The following RELT variants were observed in gnomAD, a reference collection of about 807,000 sequenced individuals.
RELT encodes RELT TNF receptor, also known as tumor necrosis factor receptor superfamily member 19L.
In RELT, 37 loss-of-function variants were observed where a neutral mutation model predicts 51.1. That is an observed-to-expected ratio of 0.72 (90% CI 0.56 to 0.95). The LOEUF (loss-of-function observed/expected upper bound fraction) is 0.95, where lower values mean the gene tolerates loss of function less well. Ranked by LOEUF, RELT falls within the 40% of genes least tolerant of loss-of-function variation. The probability of loss-of-function intolerance (pLI) is 0.00; values close to 1 mark genes in which losing one functional copy is unlikely to be tolerated. For missense variants in RELT, 535 were observed against 572.6 expected, an observed-to-expected ratio of 0.93 and a Z score of 0.67; for synonymous variants, 241 against 235.7, an observed-to-expected ratio of 1.02 and a Z score of -0.21.
Position 73,395,425 on chromosome 11 carries a change from C to A in RELT, c.1246-19C>A. 1 of 968,812 alleles carries A rather than the reference C, an allele frequency of 1.0e-6. No homozygotes were observed. The highest frequency in any genetic ancestry group is 1.3e-5 in the South Asian group (1 of 78,364). 60.0% of individuals were successfully genotyped at this position (968,812 alleles called of 1,614,324 possible). The stretch of plus-strand genomic sequence containing the variant: ...GCCAGCCCCTGACTCAGCTCTGACC[C>A]CTCACCCCTGCCCACCAGGAGAACC... On this transcript the variant is annotated intron_variant, in intron 10 of 10. Coordinates refer to ENST00000064780, the MANE Select transcript of RELT (RefSeq NM_152222.2).
intron 1 of RELT, among the ~76,000 whole-genome samples, chr11:73,382,740 T>C (rs1866068720): frequency 6.6e-6 from 1 of 152,148 alleles, no homozygotes; most frequent in Admixed American, 6.5e-5. Flanking sequence ...AGGGGTTCAG[T>C]GAGACCCAGC....
At chr11:73,386,455 G>A (rs1237683752) in intron 1 of RELT, among the ~76,000 whole-genome samples, 1 of 152,192 alleles carries the variant, frequency 6.6e-6, no homozygotes, top group Non-Finnish European at 1.5e-5. Flanking sequence ...GGTGTGAGGG[G>A]TGCTGAGCAG....
Position 73,394,914 on chromosome 11 carries a change from G to T in RELT, c.1047-173G>T. ...GATCAGGACTTTCCGGTTATGTTGT[G>T]TCTCACATGGAGCCCTTGCATCCCT... On this transcript the variant is annotated intron_variant, in intron 9 of 10. Coordinates refer to ENST00000064780, the MANE Select transcript of RELT (RefSeq NM_152222.2). This position sits in a 1 kb window ranked among gnomAD's most constrained non-coding sequence, Gnocchi z 4.9. The T allele has an allele frequency of 1.1e-6, 1 of 897,224 alleles. No homozygotes were observed. Among genetic ancestry groups the T allele is most frequent in the Non-Finnish European group, 1.7e-6 (1 of 596,528 alleles). 55.6% of individuals were successfully genotyped at this position (897,224 alleles called of 1,614,324 possible).
intron 1 of RELT, among the ~76,000 whole-genome samples, chr11:73,383,058 C>A (rs1335859193): frequency 1.3e-5 from 2 of 152,226 alleles, no homozygotes; most frequent in East Asian, 3.9e-4. Context: ...AGGTGCAGAA[C>A]CATGCCCAAC....
In RELT at chr11:73,395,569, C is replaced by G. The variant is rs987836002; in HGVS notation, c.*78C>G. ...CTTCCTGGAGGAGGTGGAGCTGCAG[C>G]TGGGACTGTGAGGACCGAGAAGCAA... On this transcript the variant is annotated 3_prime_UTR_variant, in exon 11 of 11. Coordinates refer to ENST00000064780, the MANE Select transcript of RELT (RefSeq NM_152222.2). 2.6e-6 allele frequency: 2 copies of G among 777,474 alleles called. No homozygotes were observed. Among genetic ancestry groups the G allele is most frequent in the African/African-American group, 3.4e-5 (2 of 59,090 alleles). 48.2% of individuals were successfully genotyped at this position (777,474 alleles called of 1,614,324 possible).
chr11:73,380,883 T>C (rs1233048220), intron 1 of RELT, among the ~76,000 whole-genome samples: 1 of 152,180 alleles, frequency 6.6e-6, no homozygotes, highest in Admixed American at 6.5e-5. Context: ...ATACCCACTG[T>C]GTGCTGAACC....
chr11:73,383,237 C>A (rs556266305), intron 1 of RELT, among the ~76,000 whole-genome samples: 97 of 152,318 alleles, frequency 6.4e-4, no homozygotes, highest in African/African-American at 2.3e-3. Context: ...CACTGAGTGG[C>A]CCTGAGCCAG....
Position 73,394,902 on chromosome 11 carries a change from C to G in RELT, c.1046+168C>G. The G allele has an allele frequency of 1.1e-6, 1 of 936,652 alleles. No individual in the cohort carries two copies. The highest frequency in any genetic ancestry group is 1.6e-6 in the Non-Finnish European group (1 of 633,752). 58.0% of individuals were successfully genotyped at this position (936,652 alleles called of 1,614,324 possible). ...GGCGGCCAGAGAGATCAGGACTTTC[C>G]GGTTATGTTGTGTCTCACATGGAGC... On this transcript the variant is annotated intron_variant, in intron 9 of 10. Coordinates refer to ENST00000064780, the MANE Select transcript of RELT (RefSeq NM_152222.2). This position sits in a 1 kb window ranked among gnomAD's most constrained non-coding sequence, Gnocchi z 4.9.
Position 73,393,739 on chromosome 11 carries a change from TAAG to T in RELT, c.626-94_626-92del, listed in dbSNP as rs781483566. ...CCTAAATGCACATGCTCAGGGCCCT[TAAG>T]AAGGCCAGGGTTGCCCTCTGCTGGC... is the stretch of plus-strand genomic sequence containing the variant. On this transcript the variant is annotated intron_variant, in intron 6 of 10. Transcript: ENST00000064780. 8.3e-6 allele frequency: 13 copies of T among 1,560,966 alleles called. No homozygotes were observed. The East Asian group carries it at 2.5e-4, about 30-fold the overall frequency.
chr11:73,393,727 G>C (rs767504881), intron 6 of RELT, 110 bp from the exon 7 acceptor site: 2 of 1,561,640 alleles, frequency 1.3e-6, no homozygotes, highest in Middle Eastern at 1.7e-4. Flanking sequence ...AAATGCACAT[G>C]CTCAGGGCCC....
chr11:73,381,314 G>A (rs796137810), intron 1 of RELT, among the ~76,000 whole-genome samples: 5 of 152,300 alleles, frequency 3.3e-5, no homozygotes, highest in African/African-American at 1.2e-4. Flanking sequence ...AGAGAGAGGA[G>A]TGGGGGCTTC....
intron 2 of RELT, 68 bp from the exon 3 acceptor site, chr11:73,390,483 G>C (rs143261296): frequency 1.4e-6 from 2 of 1,427,238 alleles, no homozygotes; most frequent in Non-Finnish European, 2.0e-6. Flanking sequence ...AATAGGTGGG[G>C]GATAGATGAC....
chr11:73,390,832 G>T lies in RELT; in HGVS notation c.198G>T (p.Gln66His). 6.2e-7 allele frequency: 1 copy of T among 1,612,684 alleles called. No individual in the cohort carries two copies. The highest frequency in any genetic ancestry group is 8.5e-7 in the Non-Finnish European group (1 of 1,179,744). ...FSAAWGSSPC[Q>H]PHARCSLWRR... ...CTGCATGGGGCTCCAGCCCATGCCA[G>T]CCCCATGCCCGTTGCAGCCTTTGGA... is the stretch of plus-strand genomic sequence containing the variant. The change falls in exon 4 of 11, where the codon CAG (glutamine) becomes CAT (histidine). Residue 66 changes from glutamine (Q) to histidine (H), a missense_variant. By Grantham distance (24) the Gln-to-His change is conservative. Coordinates refer to ENST00000064780, the MANE Select transcript of RELT (RefSeq NM_152222.2).
chr11:73,394,516 G>C lies in RELT; in HGVS notation c.828G>C (p.Pro276=), dbSNP rs373736645. ...PAPPNVPHIC[P]HRHHLHTVQG... The stretch of plus-strand genomic sequence containing the variant: ...CCCCGAACGTGCCACACATCTGCCC[G>C]CACCGCCACCATCTCCACACCGTGC... The change falls in exon 9 of 11, where the codon CCG becomes CCC. Residue 276 remains proline, a synonymous_variant. Transcript: ENST00000064780. The surrounding 1 kb of genome is among the most constrained non-coding windows in gnomAD (Gnocchi z 4.9). 1.5e-5 allele frequency: 24 copies of C among 1,610,684 alleles called. No homozygotes were observed. The African/African-American group carries it at 2.9e-4, about 20-fold the overall frequency.
At chr11:73,384,118 T>C (rs948499051) in intron 1 of RELT, among the ~76,000 whole-genome samples, 87 of 152,092 alleles carry the variant, frequency 5.7e-4, no homozygotes, top group African/African-American at 2.1e-3. Flanking sequence ...CCCACCTCCA[T>C]CTCCCCCAGT....
intron 1 of RELT, among the ~76,000 whole-genome samples, chr11:73,381,804 G>T (rs1239017322): frequency 6.6e-6 from 1 of 152,174 alleles, no homozygotes; most frequent in Non-Finnish European, 1.5e-5. Context: ...CAGGGGCTGG[G>T]ACATGGGCAC....
chr11:73,391,652 C>G (rs571775991), intron 5 of RELT, among the ~76,000 whole-genome samples: 5 of 152,190 alleles, frequency 3.3e-5, no homozygotes, highest in African/African-American at 1.2e-4. Context: ...AAAAATTAGC[C>G]GGGCGTGGTG....
At chr11:73,389,701 G>C (rs546804312) in intron 2 of RELT, among the ~76,000 whole-genome samples, 1 of 152,254 alleles carries the variant, frequency 6.6e-6, no homozygotes, top group African/African-American at 2.4e-5. Flanking sequence ...CTGCTGTGAC[G>C]CTAGAAGCTC....
Position 73,390,535 on chromosome 11 carries a change from C to A in RELT, c.46-16C>A, listed in dbSNP as rs1461360721. 1.9e-6 allele frequency: 3 copies of A among 1,612,738 alleles called. No individual in the cohort carries two copies. Among genetic ancestry groups the A allele is most frequent in the Non-Finnish European group, 2.5e-6 (3 of 1,178,748 alleles). On this transcript the variant is annotated splice_polypyrimidine_tract_variant and intron_variant, in intron 2 of 10. Coordinates refer to ENST00000064780, the MANE Select transcript of RELT (RefSeq NM_152222.2). ...CCAGCACTTTCTGCCTCTTTCAATG[C>A]CTACTGTTCTTCTAGCTGCTGCCCT...
Sources: gnomAD v4.1 joint callset for allele counts (sites outside exome capture counted in the v4.1 genomes callset) on GRCh38, gnomAD v4.1.1 for gene constraint, Gnocchi (gnomAD v3.1) non-coding constraint, MANE v1.5 for transcripts, NCBI Gene and HGNC (gene_info 2026-07-23, HGNC 2026-07-21) for gene names.